SLC25A28: variants seen among roughly 807,000 people sequenced by gnomAD.
The protein encoded by SLC25A28 is mitoferrin-2.
SLC25A28 carries 10 observed loss-of-function variants against 31.9 expected under a neutral mutation model. The observed-to-expected ratio is 0.31, with a 90% confidence interval of 0.19 to 0.53. The LOEUF (loss-of-function observed/expected upper bound fraction) is 0.53. Among genes scored for constraint, SLC25A28 ranks in the 20% least tolerant of loss-of-function variants. The pLI, the probability that SLC25A28 is intolerant of heterozygous loss-of-function variation, is 0.95. For missense variants in SLC25A28, 256 were observed against 490.3 expected (o/e 0.52, Z 4.51); for synonymous variants, 208 against 203.6 (o/e 1.02, Z -0.19).
At chr10:99,623,092 CAT>C (rs752645371), upstream of SLC25A28, among the ~76,000 whole-genome samples, 5 of 152,138 alleles carry the variant, frequency 3.3e-5, no homozygotes, top group African/African-American at 4.8e-5. Context: ...GAGGAGACGA[CAT>C]GTATGGTGAG....
intron 1 of SLC25A28, chr10:99,618,320 A>T: frequency 1.0e-6 from 1 of 985,204 alleles, no homozygotes; most frequent in Non-Finnish European, 1.2e-6. Context: ...TTCTAAGACA[A>T]ATTATTACAC....
chr10:99,614,378 G>A (rs373257417), intron 1 of SLC25A28, among the ~76,000 whole-genome samples: 30 of 152,280 alleles, frequency 2.0e-4, no homozygotes, highest in East Asian at 1.9e-3. Flanking sequence ...ACTGAGGGGC[G>A]GCTAATTTTT....
chr10:99,634,873 G>A, the SLC25A28 span, among the ~76,000 whole-genome samples: 8 of 152,284 alleles, frequency 5.3e-5, no homozygotes, highest in East Asian at 9.6e-4. Context: ...ATGAAGGAAA[G>A]AATCTTAAGA....
the SLC25A28 span, among the ~76,000 whole-genome samples, chr10:99,631,428 T>A: frequency 2.0e-5 from 3 of 152,152 alleles, no homozygotes; most frequent in South Asian, 2.1e-4. Flanking sequence ...TCGTCTATTT[T>A]ATTTAATTTT....
chr10:99,610,535 C>CT lies in SLC25A28; in HGVS notation c.*313dup, dbSNP rs894506703. 1 of 292,466 alleles carries CT rather than the reference C, an allele frequency of 3.4e-6. No homozygotes were observed. The highest frequency in any genetic ancestry group is 2.1e-5 in the African/African-American group (1 of 47,056). The allele number at this position is 292,466 out of a possible 1,614,324, so 18.1% of individuals were successfully genotyped here. On this transcript the variant is annotated 3_prime_UTR_variant, in exon 4 of 4. Coordinates refer to ENST00000370495, the MANE Select transcript of SLC25A28 (RefSeq NM_031212.4). Reference sequence around the variant, plus strand: ...CCAATGAAACCATTTAATTTAAAGGCTTTTTATTAGGAACCAGGGGAATGA... The same window carrying CT: ...CCAATGAAACCATTTAATTTAAAGGCTTTTTTATTAGGAACCAGGGGAATGA...
At chr10:99,658,885 AATTC>A in the SLC25A28 span, among the ~76,000 whole-genome samples, 2 of 152,200 alleles carry the variant, frequency 1.3e-5, no homozygotes, top group Non-Finnish European at 2.9e-5. Context: ...GCGACACAGA[AATTC>A]ATGATGACTG....
upstream of SLC25A28, chr10:99,621,818 C>T (rs1412226939): frequency 6.6e-6 from 1 of 152,180 alleles, no homozygotes; most frequent in Non-Finnish European, 1.5e-5. Context: ...CTTCTCTGGG[C>T]TTCCTTTTTA....
At chr10:99,639,722 TACACACACACACAC>T in the SLC25A28 span, among the ~76,000 whole-genome samples, 4 of 131,056 alleles carry the variant, frequency 3.1e-5, no homozygotes, top group East Asian at 2.3e-4. Context: ...GCACCATGGG[TACACACACACACAC>T]ACACACACAC....
chr10:99,633,883 C>A, the SLC25A28 span, among the ~76,000 whole-genome samples: 1 of 152,140 alleles, frequency 6.6e-6, no homozygotes, highest in African/African-American at 2.4e-5. Context: ...AGCTAAGAAT[C>A]CTCACAGAGT....
the SLC25A28 span, among the ~76,000 whole-genome samples, chr10:99,637,071 A>C: frequency 6.6e-6 from 1 of 152,208 alleles, no homozygotes; most frequent in African/African-American, 2.4e-5. Context: ...ATCCAACAAC[A>C]TATCAAAAAG....
upstream of SLC25A28, chr10:99,620,563 G>C: frequency 9.8e-7 from 1 of 1,019,478 alleles, no homozygotes; most frequent in East Asian, 9.6e-5. Context: ...TAGCGAAGTC[G>C]CCTGTCATTC....
chr10:99,619,495 C>G, intron 1 of SLC25A28: 1 of 830,734 alleles, frequency 1.2e-6, no homozygotes, highest in Non-Finnish European at 1.5e-6. Flanking sequence ...GTCTGGAATT[C>G]TGCATTCTCA....
chr10:99,624,237 TTCTC>T (rs143239655), upstream of SLC25A28, among the ~76,000 whole-genome samples: 6 of 148,364 alleles, frequency 4.0e-5, no homozygotes, highest in South Asian at 4.3e-4. Flanking sequence ...TCTTTCTTTT[TTCTC>T]TCTTTCTTTT....
chr10:99,625,565 C>T (rs2034868471), upstream of SLC25A28, among the ~76,000 whole-genome samples: 3 of 152,192 alleles, frequency 2.0e-5, no homozygotes, highest in Admixed American at 1.3e-4. Flanking sequence ...TTTTCTACAT[C>T]TCTCTATGAG....
At chr10:99,651,714 CTGAG>C in the SLC25A28 span, among the ~76,000 whole-genome samples, 3 of 151,650 alleles carry the variant, frequency 2.0e-5, no homozygotes, top group African/African-American at 7.3e-5. Flanking sequence ...CCTCAGCCTC[CTGAG>C]TAACTCGGAT....
rs777237150 is a variant in SLC25A28 at position 99,613,668 on chromosome 10, G to C, written c.520+28C>G. 3.1e-6 allele frequency: 5 copies of C among 1,614,072 alleles called. No individual in the cohort carries two copies. In the African/African-American group the frequency reaches 5.3e-5, roughly 17 times the overall value. On this transcript the variant is annotated intron_variant, in intron 2 of 3. Coordinates refer to ENST00000370495, the MANE Select transcript of SLC25A28 (RefSeq NM_031212.4). This position sits in a 1 kb window ranked among gnomAD's most constrained non-coding sequence, Gnocchi z 4.9. ...CAAAGCCCAAAGAGTTGGGAAAGTG[G>C]GGGAACCAGCACAGGAAGGCTCAAT... is the stretch of plus-strand genomic sequence containing the variant.
At chr10:99,642,357 G>T in the SLC25A28 span, among the ~76,000 whole-genome samples, 1 of 152,024 alleles carries the variant, frequency 6.6e-6, no homozygotes, top group Admixed American at 6.6e-5. Flanking sequence ...CTCATGATTT[G>T]GCTCTCTGCT....
At chr10:99,637,091 C>T in the SLC25A28 span, among the ~76,000 whole-genome samples, 1 of 152,058 alleles carries the variant, frequency 6.6e-6, no homozygotes, top group East Asian at 1.9e-4. Flanking sequence ...GATAATACAC[C>T]ACGAGCAAGT....
At chr10:99,615,773 C>T (rs1297872736) in intron 1 of SLC25A28, 2 of 985,252 alleles carry the variant, frequency 2.0e-6, no homozygotes, top group Non-Finnish European at 2.4e-6. Flanking sequence ...ATAAATTGAG[C>T]CTCTTAGCTT....
Sources: gnomAD v4.1 joint callset for allele counts (sites outside exome capture counted in the v4.1 genomes callset) on GRCh38, gnomAD v4.1.1 for gene constraint, Gnocchi (gnomAD v3.1) non-coding constraint, MANE v1.5 for transcripts, NCBI Gene and HGNC (gene_info 2026-07-23, HGNC 2026-07-21) for gene names.